NELL2: variants seen among roughly 807,000 people sequenced by gnomAD.
NELL2 encodes protein kinase C-binding protein NELL2.
Under a neutral mutation model 109.6 loss-of-function variants are expected in NELL2, and 41 were observed. The observed-to-expected ratio is 0.37, with a 90% CI of 0.29 to 0.49. The LOEUF is 0.49. Ranked by LOEUF, NELL2 falls within the 20% of genes least tolerant of loss-of-function variation. The pLI, the probability that NELL2 is intolerant of heterozygous loss-of-function variation, is 0.98. For missense variants in NELL2, 900 were observed against 1,008.3 expected, an observed-to-expected ratio of 0.89 and a Z score of 1.45; for synonymous variants, 355 against 344.7, an observed-to-expected ratio of 1.03 and a Z score of -0.33.
chr12:44,523,525 T>C lies in NELL2; in HGVS notation c.1805-41A>G, dbSNP rs142328202. The C allele has an allele frequency of 3.5e-3, 5,542 of 1,587,136 alleles. 10 individuals carry two copies. Among genetic ancestry groups the C allele is most frequent in the Non-Finnish European group, 4.3e-3 (4,999 of 1,162,776 alleles). ...AGCAGCACTCAATGTGCTTAGAATA[T>C]GTGCAGTTTCAAACAACTGCAATCA... On this transcript the variant is annotated intron_variant, in intron 16 of 19. Coordinates refer to ENST00000429094, the MANE Select transcript of NELL2 (RefSeq NM_001145108.2).
intron 9 of NELL2, among the ~76,000 whole-genome samples, chr12:44,735,841 GC>G (rs1270642440): frequency 2.6e-5 from 4 of 151,704 alleles, no homozygotes; most frequent in Non-Finnish European, 4.4e-5. Flanking sequence ...AAATAACTTA[GC>G]TTTTATGCAA....
intron 3 of NELL2, among the ~76,000 whole-genome samples, chr12:44,795,682 T>A (rs1208820882): frequency 1.3e-5 from 2 of 152,136 alleles, no homozygotes; most frequent in East Asian, 3.9e-4. Flanking sequence ...AGTGGATTAA[T>A]CCAACTAGTG....
In NELL2 at chr12:44,532,603, T is replaced by C; in HGVS notation, c.1782A>G (p.Ser594=). 1 of 1,613,588 alleles carries C rather than the reference T, an allele frequency of 6.2e-7. No individual in the cohort carries two copies. Among genetic ancestry groups the C allele is most frequent in the Non-Finnish European group, 8.5e-7 (1 of 1,179,668 alleles). ...GACCTTCACACGATTCTCCACTTGG[T>C]GAAAACATCCCATTGTCATGGTAGC... ...RDGYHDNGMF[S]PSGESCEDID... is the part of the protein sequence containing the mutation. The change falls in exon 16 of 20, where the codon TCA becomes TCG. Residue 594 remains serine, a synonymous_variant. Transcript: ENST00000429094.
intron 13 of NELL2, among the ~76,000 whole-genome samples, chr12:44,642,648 G>A (rs1173007039): frequency 6.6e-6 from 1 of 152,304 alleles, no homozygotes; most frequent in East Asian, 1.9e-4. Flanking sequence ...CTGGGATGCT[G>A]AGGCGGGCGG....
intron 9 of NELL2, among the ~76,000 whole-genome samples, chr12:44,752,600 A>C (rs1456880418): frequency 1.3e-5 from 2 of 152,196 alleles, no homozygotes; most frequent in Non-Finnish European, 1.5e-5. Context: ...AATAAAATTC[A>C]ATTCAGAAAG....
intron 9 of NELL2, among the ~76,000 whole-genome samples, chr12:44,752,210 T>C (rs1398601760): frequency 2.0e-5 from 3 of 152,232 alleles, no homozygotes; most frequent in African/African-American, 7.2e-5. Context: ...GTTACTATAA[T>C]TAGAAAGCAA....
intron 19 of NELL2, among the ~76,000 whole-genome samples, chr12:44,515,216 AG>A (rs1286109715): frequency 6.6e-6 from 1 of 151,908 alleles, no homozygotes; most frequent in Non-Finnish European, 1.5e-5. Context: ...GTGAAAAATA[AG>A]AACAATACAT....
At chr12:44,728,905 A>G (rs867818291) in intron 9 of NELL2, among the ~76,000 whole-genome samples, 1 of 152,148 alleles carries the variant, frequency 6.6e-6, no homozygotes, top group Non-Finnish European at 1.5e-5. Context: ...ATTAGGAAAA[A>G]ATAAAGACTT....
chr12:44,647,399 CTCTCTGAGAT>C (rs1459276945), intron 13 of NELL2, among the ~76,000 whole-genome samples: 1 of 152,126 alleles, frequency 6.6e-6, no homozygotes, highest in Non-Finnish European at 1.5e-5. Context: ...GTTATTCAAC[CTCTCTGAGAT>C]TTAGCTTTCT....
intron 15 of NELL2, among the ~76,000 whole-genome samples, chr12:44,569,814 A>G (rs543069331): frequency 2.0e-5 from 3 of 152,280 alleles, no homozygotes; most frequent in Admixed American, 6.5e-5. Flanking sequence ...GATTATCACT[A>G]TACTATATAG....
At chr12:44,610,490 G>T (rs1401666727) in intron 14 of NELL2, among the ~76,000 whole-genome samples, 2 of 151,984 alleles carry the variant, frequency 1.3e-5, no homozygotes, top group African/African-American at 4.8e-5. Flanking sequence ...GAGGAACTTG[G>T]GATTAGACAA....
intron 3 of NELL2, among the ~76,000 whole-genome samples, chr12:44,783,330 G>C (rs1485541006): frequency 6.6e-6 from 1 of 151,020 alleles, no homozygotes; most frequent in East Asian, 1.9e-4. Flanking sequence ...GCAAAGAAAA[G>C]GAAGGGCAAA....
At chr12:44,599,477 T>A (rs775994393) in intron 15 of NELL2, among the ~76,000 whole-genome samples, 32 of 152,118 alleles carry the variant, frequency 2.1e-4, no homozygotes, top group Non-Finnish European at 2.6e-4. Context: ...AAATAATGGA[T>A]CAGACAAAGC....
chr12:44,844,936 T>C (rs1046835465), intron 2 of NELL2, among the ~76,000 whole-genome samples: 8 of 152,158 alleles, frequency 5.3e-5, no homozygotes, highest in African/African-American at 1.9e-4. Flanking sequence ...CATTCTATTA[T>C]CTCAATTCCA....
chr12:44,646,216 T>C (rs1276369586), intron 13 of NELL2, among the ~76,000 whole-genome samples: 1 of 152,210 alleles, frequency 6.6e-6, no homozygotes, highest in African/African-American at 2.4e-5. Flanking sequence ...AAGTGTGAGA[T>C]ATTACTTTCC....
At chr12:44,588,130 C>T (rs1214946218) in intron 15 of NELL2, among the ~76,000 whole-genome samples, 1 of 150,782 alleles carries the variant, frequency 6.6e-6, no homozygotes, top group Non-Finnish European at 1.5e-5. Context: ...ATCATCGTGC[C>T]ACTGCACTCC....
At chr12:44,512,643 A>C (rs752480023) in intron 19 of NELL2, among the ~76,000 whole-genome samples, 2 of 152,148 alleles carry the variant, frequency 1.3e-5, no homozygotes, top group African/African-American at 2.4e-5. Flanking sequence ...ATCCAGACAT[A>C]AGAAGAATGA....
chr12:44,616,942 C>T (rs547978132), intron 13 of NELL2, among the ~76,000 whole-genome samples: 1 of 152,268 alleles, frequency 6.6e-6, no homozygotes, highest in African/African-American at 2.4e-5. Flanking sequence ...TCCACAGCAC[C>T]TCAGTACTTT....
chr12:44,843,394 C>T (rs367991283), intron 2 of NELL2, among the ~76,000 whole-genome samples: 1 of 151,962 alleles, frequency 6.6e-6, no homozygotes, highest in African/African-American at 2.4e-5. Context: ...ATTAAAGAAT[C>T]AATTGCAAGG....
Sources: gnomAD v4.1 joint callset for allele counts (sites outside exome capture counted in the v4.1 genomes callset) on GRCh38, gnomAD v4.1.1 for gene constraint, MANE v1.5 for transcripts, NCBI Gene and HGNC (gene_info 2026-07-23, HGNC 2026-07-21) for gene names.